SBF2: variants seen among roughly 807,000 people sequenced by gnomAD.
The protein encoded by SBF2 is myotubularin-related protein 13.
SBF2 carries 112 observed loss-of-function variants against 225.2 expected under a neutral mutation model. That is an observed-to-expected ratio of 0.50 (90% confidence interval 0.43 to 0.58). The LOEUF (loss-of-function observed/expected upper bound fraction) is 0.58, where lower values mean the gene tolerates loss of function less well. Ranked by LOEUF, SBF2 falls within the 20% of genes least tolerant of loss-of-function variation. The probability of loss-of-function intolerance (pLI) is 0.00; values close to 1 mark genes in which losing one functional copy is unlikely to be tolerated. For missense variants in SBF2, 1,996 were observed against 2,206.2 expected (o/e 0.90, Z 1.91); for synonymous variants, 763 against 773.3 (o/e 0.99, Z 0.22).
intron 37 of SBF2, 62 bp from the exon 38 acceptor site, chr11:9,784,500 G>A: frequency 7.9e-7 from 1 of 1,272,698 alleles, no homozygotes; most frequent in South Asian, 1.2e-5. Flanking sequence ...CTGTAAAGGG[G>A]AGGGGATATC....
chr11:9,779,133 T>C lies in SBF2; in HGVS notation c.*1285A>G, dbSNP rs973974346. The C allele has an allele frequency of 6.6e-6, 1 of 152,660 alleles. No homozygotes were observed. Among genetic ancestry groups the C allele is most frequent in the African/African-American group, 2.4e-5 (1 of 41,460 alleles). The allele number at this position is 152,660 out of a possible 1,614,324, so 9.5% of individuals were successfully genotyped here. On this transcript the variant is annotated 3_prime_UTR_variant, in exon 40 of 40. Transcript: ENST00000256190. ...TTGAAATTCTGATTTATTTTTAATC[T>C]ACAAAGTATTTTTATTTTTTAAAAG...
chr11:10,126,045 T>A (rs919685089), intron 2 of SBF2, among the ~76,000 whole-genome samples: 1 of 152,188 alleles, frequency 6.6e-6, no homozygotes, highest in South Asian at 2.1e-4. Flanking sequence ...CTTGGTTACT[T>A]AGTTTTTAAC....
chr11:9,837,376 CATAA>C (rs1164207403), intron 26 of SBF2, among the ~76,000 whole-genome samples: 2 of 152,206 alleles, frequency 1.3e-5, no homozygotes, highest in South Asian at 2.1e-4. Context: ...ACAGAATTTA[CATAA>C]ATAAATTTAC....
chr11:9,863,066 T>A (rs1857896536), intron 17 of SBF2, among the ~76,000 whole-genome samples: 1 of 149,056 alleles, frequency 6.7e-6, no homozygotes. Context: ...TGTTTAAGAA[T>A]GTGTTGACTT....
intron 27 of SBF2, among the ~76,000 whole-genome samples, chr11:9,830,951 T>G (rs1381429899): frequency 6.6e-6 from 1 of 152,186 alleles, no homozygotes; most frequent in Admixed American, 6.5e-5. Flanking sequence ...CCCAAAATCA[T>G]TCACTCATTT....
intron 17 of SBF2, among the ~76,000 whole-genome samples, chr11:9,870,998 A>G (rs934410294): frequency 3.3e-5 from 5 of 151,720 alleles, no homozygotes; most frequent in African/African-American, 1.2e-4. Context: ...AAGTAACTCA[A>G]GATGGATTAC....
At chr11:9,919,580 A>G (rs539366192) in intron 16 of SBF2, among the ~76,000 whole-genome samples, 10 of 152,252 alleles carry the variant, frequency 6.6e-5, no homozygotes, top group African/African-American at 2.4e-4. Flanking sequence ...GGTCGTAACA[A>G]AACAGGATAG....
chr11:9,972,367 T>C (rs1414464044), intron 13 of SBF2, among the ~76,000 whole-genome samples: 6 of 152,212 alleles, frequency 3.9e-5, no homozygotes, highest in Non-Finnish European at 8.8e-5. Flanking sequence ...GCATATTCTA[T>C]GGCATGGTAC....
chr11:9,877,739 T>C (rs1859384180), intron 17 of SBF2, among the ~76,000 whole-genome samples: 1 of 152,220 alleles, frequency 6.6e-6, no homozygotes, highest in Non-Finnish European at 1.5e-5. Context: ...TCCTTTTTTA[T>C]GGCTGCACAG....
chr11:10,299,842 T>C (rs2133653388), intron 1 of SBF2, among the ~76,000 whole-genome samples: 1 of 152,358 alleles, frequency 6.6e-6, no homozygotes, highest in South Asian at 2.1e-4. Flanking sequence ...CCAAAACGAT[T>C]GTTTAAATAA....
At chr11:9,857,512 T>C (rs1419910111) in intron 18 of SBF2, among the ~76,000 whole-genome samples, 1 of 152,228 alleles carries the variant, frequency 6.6e-6, no homozygotes, top group Non-Finnish European at 1.5e-5. Flanking sequence ...ATGAGGATGA[T>C]AGTTTCTAAC....
At chr11:9,967,399 C>T (rs1866990755) in intron 14 of SBF2, among the ~76,000 whole-genome samples, 1 of 151,046 alleles carries the variant, frequency 6.6e-6, no homozygotes, top group Non-Finnish European at 1.5e-5. Context: ...AAACGAAATG[C>T]TGATACATGC....
chr11:10,169,226 T>C (rs1056215436), intron 2 of SBF2, among the ~76,000 whole-genome samples: 3 of 152,158 alleles, frequency 2.0e-5, no homozygotes, highest in Admixed American at 6.5e-5. Flanking sequence ...ACAAAAATTA[T>C]TGTTGACTGT....
At chr11:10,139,460 T>G (rs552075485) in intron 2 of SBF2, among the ~76,000 whole-genome samples, 17 of 152,302 alleles carry the variant, frequency 1.1e-4, no homozygotes, top group Admixed American at 2.0e-4. Context: ...GTATTAGAAG[T>G]GTAGCACCAG....
intron 2 of SBF2, among the ~76,000 whole-genome samples, chr11:10,138,206 T>C (rs906538242): frequency 6.6e-6 from 1 of 152,166 alleles, no homozygotes; most frequent in Non-Finnish European, 1.5e-5. Flanking sequence ...ATTGGGTGAG[T>C]TGCAGCAGGT....
chr11:10,002,510 T>A (rs1948013396), intron 7 of SBF2, 47 bp downstream of exon 7: 5 of 1,445,150 alleles, frequency 3.5e-6, no homozygotes, highest in Non-Finnish European at 3.9e-6. Flanking sequence ...CAACGATAAG[T>A]GATATGTAGT....
At chr11:9,982,115 C>A (rs1250608091) in intron 13 of SBF2, among the ~76,000 whole-genome samples, 3 of 152,142 alleles carry the variant, frequency 2.0e-5, no homozygotes, top group African/African-American at 4.8e-5. Context: ...TTCCTCTATC[C>A]ATGGAATATT....
At chr11:10,165,151 T>C (rs1955898456) in intron 2 of SBF2, 1 of 152,174 alleles carries the variant, frequency 6.6e-6, no homozygotes, top group Non-Finnish European at 1.5e-5. Context: ...TCTGGAGAAA[T>C]ACCTATTCTA....
chr11:9,839,489 C>G lies in SBF2; in HGVS notation c.3455+9G>C. On this transcript the variant is annotated intron_variant, in intron 26 of 39. Transcript: ENST00000256190. ...AAGACCTCTTTTTGGAGCCCACTGA[C>G]ACACTTACCTCCGGCAGAGTGAATA... 6.2e-7 allele frequency: 1 copy of G among 1,613,798 alleles called. No homozygotes were observed.
Sources: gnomAD v4.1 joint callset for allele counts (sites outside exome capture counted in the v4.1 genomes callset) on GRCh38, gnomAD v4.1.1 for gene constraint, MANE v1.5 for transcripts, NCBI Gene and HGNC (gene_info 2026-07-23, HGNC 2026-07-21) for gene names.